The following TEX11 variants were observed in gnomAD, a reference collection of about 807,000 sequenced individuals.
TEX11 encodes testis expressed 11, also known as testis-expressed protein 11.
In TEX11, 7 loss-of-function variants were observed where a neutral mutation model predicts 84.4. The observed-to-expected ratio is 0.08, with a 90% CI of 0.05 to 0.16. The LOEUF (loss-of-function observed/expected upper bound fraction) is 0.16, where lower values mean the gene tolerates loss of function less well. Ranked by LOEUF, TEX11 falls within the 10% of genes least tolerant of loss-of-function variation. The pLI is 1.00. For missense variants in TEX11, 551 were observed against 660.5 expected (o/e 0.83, Z 1.82); for synonymous variants, 264 against 222.8 (o/e 1.18, Z -1.64).
chrX:70,805,900 C>T (rs1334599022), intron 9 of TEX11, among the ~76,000 whole-genome samples: 1 of 111,647 alleles, frequency 9.0e-6, no homozygotes, highest in Non-Finnish European at 1.9e-5. Flanking sequence ...TTGATATTTC[C>T]AGATAAAGCA....
chrX:70,829,183 T>C (rs1036340614), intron 8 of TEX11, among the ~76,000 whole-genome samples: 1 of 111,777 alleles, frequency 8.9e-6, no homozygotes, highest in East Asian at 2.8e-4. Context: ...TGGGTAATAG[T>C]AAGCACAAGG....
intron 2 of TEX11, among the ~76,000 whole-genome samples, chrX:70,881,556 A>G (rs1456898552): frequency 9.0e-6 from 1 of 111,010 alleles, no homozygotes; most frequent in Admixed American, 9.7e-5. Context: ...TGCTAAAATA[A>G]ACAGAACTTT....
intron 2 of TEX11, among the ~76,000 whole-genome samples, chrX:70,899,288 A>C (rs1295896122): frequency 1.8e-5 from 2 of 111,699 alleles, no homozygotes; most frequent in African/African-American, 6.5e-5. Flanking sequence ...TGTAAAATAC[A>C]CATGGGTTTC....
At chrX:70,603,812 G>A (rs1330322829) in intron 24 of TEX11, among the ~76,000 whole-genome samples, 1 of 110,296 alleles carries the variant, frequency 9.1e-6, no homozygotes, top group East Asian at 2.8e-4. Context: ...ATCTGACAAA[G>A]GGCTAATATC....
At chrX:70,547,570 A>G (rs1176321093) in intron 28 of TEX11, among the ~76,000 whole-genome samples, 2 of 111,597 alleles carry the variant, frequency 1.8e-5, no homozygotes, top group Non-Finnish European at 3.8e-5. Context: ...ACAAATTTAC[A>G]AGAAAAAAAC....
intron 14 of TEX11, among the ~76,000 whole-genome samples, chrX:70,679,761 G>GC (rs1283429938): frequency 2.0e-5 from 2 of 97,939 alleles, no homozygotes; most frequent in East Asian, 3.5e-4. Flanking sequence ...CCGGCCAGCC[G>GC]CCCGTCCGGG....
At chrX:70,811,031 ATT>A (rs934675246) in intron 8 of TEX11, among the ~76,000 whole-genome samples, 1 of 111,420 alleles carries the variant, frequency 9.0e-6, no homozygotes, top group Non-Finnish European at 1.9e-5. Context: ...ATTTTTTAAA[ATT>A]TTTTTATTAT....
intron 11 of TEX11, among the ~76,000 whole-genome samples, chrX:70,735,813 G>A (rs967624956): frequency 1.8e-5 from 2 of 111,892 alleles, no homozygotes; most frequent in African/African-American, 6.5e-5. Context: ...TGGATGTAAA[G>A]TGGTTTCTCA....
intron 28 of TEX11, among the ~76,000 whole-genome samples, chrX:70,537,361 C>G (rs1288966111): frequency 9.0e-6 from 1 of 111,195 alleles, no homozygotes; most frequent in Non-Finnish European, 1.9e-5. Flanking sequence ...TGAATCTGTA[C>G]TGGGCCAGAT....
chrX:70,846,272 A>T (rs1404693769), intron 7 of TEX11: 2 of 111,731 alleles, frequency 1.8e-5, no homozygotes, highest in Admixed American at 1.9e-4. Context: ...AAACTATAGA[A>T]ATGATCCCTG....
chrX:70,519,597 T>C, the TEX11 span, among the ~76,000 whole-genome samples: 1 of 111,341 alleles, frequency 9.0e-6, no homozygotes, highest in African/African-American at 3.3e-5. Flanking sequence ...TGTCTTGGGG[T>C]TGCTCTTCTA....
At chrX:70,839,179 G>A (rs192682852) in intron 7 of TEX11, among the ~76,000 whole-genome samples, 104 of 112,076 alleles carry the variant, frequency 9.3e-4, no homozygotes, top group Non-Finnish European at 9.2e-4. Context: ...ATCTGGGAAC[G>A]GGCAGACTGC....
At chrX:70,676,966 G>A (rs2090077465) in intron 15 of TEX11, among the ~76,000 whole-genome samples, 1 of 111,847 alleles carries the variant, frequency 8.9e-6, no homozygotes, top group Admixed American at 9.5e-5. Flanking sequence ...CTTTTTGAAT[G>A]CATGAAATAC....
chrX:70,889,100 C>T (rs2091724581), intron 2 of TEX11, among the ~76,000 whole-genome samples: 1 of 110,917 alleles, frequency 9.0e-6, no homozygotes, highest in Non-Finnish European at 1.9e-5. Context: ...TTGATCCTCT[C>T]TTATAATAAT....
intron 17 of TEX11, among the ~76,000 whole-genome samples, chrX:70,637,778 G>T (rs2089593025): frequency 1.8e-5 from 2 of 111,059 alleles, no homozygotes; most frequent in Admixed American, 1.9e-4. Context: ...GGGGCTGGGA[G>T]GAGGGATATC....
At chrX:70,720,773 AATATAT>A (rs58118818) in intron 13 of TEX11, among the ~76,000 whole-genome samples, 1 of 96,244 alleles carries the variant, frequency 1.0e-5, no homozygotes, top group Non-Finnish European at 2.1e-5. Context: ...ACATATATAT[AATATAT>A]ATATATATAT....
At chrX:70,840,629 A>C (rs1052835771) in intron 7 of TEX11, among the ~76,000 whole-genome samples, 1 of 111,173 alleles carries the variant, frequency 9.0e-6, no homozygotes, top group Non-Finnish European at 1.9e-5. Context: ...ACACATAACA[A>C]TATTAACCTT....
intron 24 of TEX11, 38 bp from the exon 25 acceptor site, chrX:70,591,861 C>CA: frequency 9.8e-7 from 1 of 1,019,187 alleles, no homozygotes; most frequent in Non-Finnish European, 1.4e-6. Context: ...TTAGTCCCAA[C>CA]AAAAAAGAAC....
intron 25 of TEX11, among the ~76,000 whole-genome samples, chrX:70,572,481 C>A (rs1476957096): frequency 3.6e-5 from 4 of 111,076 alleles, no homozygotes; most frequent in Non-Finnish European, 7.5e-5. Context: ...TACCATTTGA[C>A]CCAGCCATCC....
Sources: allele counts gnomAD v4.1 joint callset (sites outside exome capture counted in the v4.1 genomes callset), GRCh38; gene constraint gnomAD v4.1.1; transcripts MANE v1.5; gene names NCBI Gene and HGNC (gene_info 2026-07-23, HGNC 2026-07-21).